Variants in TNKS observed in about 807,000 individuals in gnomAD.
TNKS encodes poly [ADP-ribose] polymerase tankyrase-1.
TNKS carries 72 observed loss-of-function variants against 135.8 expected under a neutral mutation model. The ratio of observed to expected loss-of-function variants is 0.53; its 90% confidence interval spans 0.44 to 0.64. TNKS has a LOEUF of 0.64. Among genes scored for constraint, TNKS ranks in the 30% least tolerant of loss-of-function variants. The pLI, the probability that TNKS is intolerant of heterozygous loss-of-function variation, is 0.00. For synonymous variants in TNKS, 849 were observed against 649.3 expected, an observed-to-expected ratio of 1.31 and a Z score of -4.68; for missense variants, 1,769 against 1,674.0, an observed-to-expected ratio of 1.06 and a Z score of -0.99.
chr8:9,664,215 C>A (rs906748971), intron 3 of TNKS, among the ~76,000 whole-genome samples: 27 of 152,250 alleles, frequency 1.8e-4, no homozygotes, highest in African/African-American at 6.5e-4. Flanking sequence ...GTGAGGGCTT[C>A]AGATTGCTTC....
chr8:9,609,527 A>T lies in TNKS; in HGVS notation c.899-6055A>T, dbSNP rs1269711591. 1.3e-5 allele frequency among the ~76,000 whole-genome samples: 2 copies of T among 152,106 alleles called. 1 individual carries two copies. The highest frequency in any genetic ancestry group is 4.1e-4 in the South Asian group (2 of 4,824). ...ATTGCTCTTCCCCTGATTCCATGAGACATTGAAATGACAGATTTTATTTTT... is the reference window on the plus strand; with the variant it reads ...ATTGCTCTTCCCCTGATTCCATGAGTCATTGAAATGACAGATTTTATTTTT... On this transcript the variant is annotated intron_variant, in intron 2 of 26. Transcript: ENST00000310430.
intron 2 of TNKS, among the ~76,000 whole-genome samples, chr8:9,589,438 A>T (rs1445972653): frequency 6.6e-6 from 1 of 152,254 alleles, no homozygotes; most frequent in African/African-American, 2.4e-5. Context: ...ATTTTGAAGT[A>T]AACAACCAAG....
chr8:9,628,894 C>T (rs1026938332), intron 3 of TNKS, among the ~76,000 whole-genome samples: 1 of 152,200 alleles, frequency 6.6e-6, no homozygotes, highest in Non-Finnish European at 1.5e-5. Context: ...CATTCTTTCC[C>T]TCTCGGGAAA....
chr8:9,657,768 C>T (rs1172780136), intron 3 of TNKS, among the ~76,000 whole-genome samples: 105 of 142,670 alleles, frequency 7.4e-4, no homozygotes, highest in Middle Eastern at 3.8e-3. Flanking sequence ...GGCGGCTGGC[C>T]GGGCAGGGGG....
chr8:9,768,244 G>C (rs1807586745), intron 25 of TNKS, among the ~76,000 whole-genome samples: 1 of 152,124 alleles, frequency 6.6e-6, no homozygotes, highest in Non-Finnish European at 1.5e-5. Context: ...CAGGAATGAG[G>C]GCCCAAAAGG....
At chr8:9,593,488 T>C (rs1343094391) in intron 2 of TNKS, among the ~76,000 whole-genome samples, 1 of 152,216 alleles carries the variant, frequency 6.6e-6, no homozygotes, top group Non-Finnish European at 1.5e-5. Context: ...TTTAAATTAT[T>C]TTTAGCTTAG....
chr8:9,668,110 A>G (rs1280260683), intron 3 of TNKS, among the ~76,000 whole-genome samples: 4 of 152,204 alleles, frequency 2.6e-5, no homozygotes, highest in African/African-American at 7.2e-5. Flanking sequence ...CCGTGTGAAC[A>G]TTATCTGTCA....
chr8:9,721,668 G>A (rs1585375503), intron 12 of TNKS, among the ~76,000 whole-genome samples: 1 of 152,016 alleles, frequency 6.6e-6, no homozygotes, highest in East Asian at 1.9e-4. Context: ...TATAAAGAAT[G>A]TCTTATGACA....
At chr8:9,606,469 G>C (rs937522555) in intron 2 of TNKS, among the ~76,000 whole-genome samples, 1 of 152,008 alleles carries the variant, frequency 6.6e-6, no homozygotes, top group African/African-American at 2.4e-5. Flanking sequence ...GATTACTAGA[G>C]CTTTATGATA....
chr8:9,557,939 T>G (rs1815400406), intron 1 of TNKS: 1 of 152,194 alleles, frequency 6.6e-6, no homozygotes, highest in Non-Finnish European at 1.5e-5. Context: ...AAACTTAAAC[T>G]GTCAGAACCC....
intron 20 of TNKS, among the ~76,000 whole-genome samples, chr8:9,753,189 C>T (rs1250877947): frequency 6.6e-6 from 1 of 152,152 alleles, no homozygotes; most frequent in Non-Finnish European, 1.5e-5. Context: ...GACCATGCAA[C>T]TACCTCAAAA....
chr8:9,588,922 A>G (rs1346034469), intron 2 of TNKS, among the ~76,000 whole-genome samples: 2 of 152,196 alleles, frequency 1.3e-5, no homozygotes, highest in African/African-American at 2.4e-5. Context: ...AAGCTTATCC[A>G]AGTTGAGAGG....
At chr8:9,597,965 A>T (rs1366657456) in intron 2 of TNKS, among the ~76,000 whole-genome samples, 1 of 152,152 alleles carries the variant, frequency 6.6e-6, no homozygotes, top group African/African-American at 2.4e-5. Context: ...TTTTTTAATT[A>T]TTTGCTTTTA....
At chr8:9,734,274 T>C (rs1464920190) in intron 15 of TNKS, among the ~76,000 whole-genome samples, 1 of 152,228 alleles carries the variant, frequency 6.6e-6, no homozygotes, top group Non-Finnish European at 1.5e-5. Flanking sequence ...CGACCCATAA[T>C]AAAAATTATT....
intron 2 of TNKS, among the ~76,000 whole-genome samples, chr8:9,603,954 TC>T (rs141789588): frequency 0.086 from 13,040 of 151,888 alleles, 587 homozygotes; most frequent in South Asian, 0.18. Flanking sequence ...GTGAAACTCT[TC>T]TGTTAAAAAA....
intron 20 of TNKS, among the ~76,000 whole-genome samples, chr8:9,757,846 A>G (rs899530125): frequency 3.3e-5 from 5 of 152,192 alleles, no homozygotes; most frequent in Admixed American, 2.6e-4. Context: ...TAAAGAAGGT[A>G]CTCATTAAAC....
chr8:9,620,133 A>G (rs1428329073), intron 3 of TNKS, among the ~76,000 whole-genome samples: 1 of 151,994 alleles, frequency 6.6e-6, no homozygotes, highest in Non-Finnish European at 1.5e-5. Flanking sequence ...TATTTTTAGT[A>G]TAGATGGACT....
intron 5 of TNKS, among the ~76,000 whole-genome samples, chr8:9,700,040 G>T (rs1036845198): frequency 1.3e-5 from 2 of 152,098 alleles, no homozygotes; most frequent in Admixed American, 6.6e-5. Context: ...CAAAGTCTCA[G>T]CTCAGAAAGC....
At chr8:9,598,767 A>ATATG (rs1798899283) in intron 2 of TNKS, among the ~76,000 whole-genome samples, 2 of 3,340 alleles carry the variant, frequency 6.0e-4, no homozygotes, top group African/African-American at 3.9e-3. Flanking sequence ...GTGTGTGTGT[A>ATATG]TATATATATA....
Sources: gnomAD v4.1 joint callset for allele counts (sites outside exome capture counted in the v4.1 genomes callset) on GRCh38, gnomAD v4.1.1 for gene constraint, MANE v1.5 for transcripts, NCBI Gene and HGNC (gene_info 2026-07-23, HGNC 2026-07-21) for gene names.